Variants in CPM observed in about 807,000 individuals in gnomAD.
The protein encoded by CPM is carboxypeptidase M.
Under a neutral mutation model 46.4 loss-of-function variants are expected in CPM, and 35 were observed. The observed-to-expected ratio is 0.75, with a 90% CI of 0.58 to 1.00. The LOEUF (loss-of-function observed/expected upper bound fraction) is 1.00, where lower values mean the gene tolerates loss of function less well. Among genes scored for constraint, CPM ranks in the 50% least tolerant of loss-of-function variants. The probability of loss-of-function intolerance (pLI) is 0.00; values close to 1 mark genes in which losing one functional copy is unlikely to be tolerated. For missense variants in CPM, 422 were observed against 530.4 expected, an observed-to-expected ratio of 0.80 and a Z score of 2.01; for synonymous variants, 195 against 195.3, an observed-to-expected ratio of 1.00 and a Z score of 0.01.
At chr12:68,861,540 G>GT (rs112044881) in intron 7 of CPM, among the ~76,000 whole-genome samples, 30,224 of 145,752 alleles carry the variant, frequency 0.21, 3,359 homozygotes, top group African/African-American at 0.31. Flanking sequence ...ACAATTTTTT[G>GT]TTTTTTTTTT....
At chr12:68,870,512 G>T in intron 4 of CPM, 113 bp from the exon 5 acceptor site, 2 of 900,230 alleles carry the variant, frequency 2.2e-6, no homozygotes, top group Non-Finnish European at 3.3e-6. Flanking sequence ...GTGAGTATGG[G>T]TGTGGTGGAT....
At chr12:68,891,484 A>G (rs1886651386) in intron 2 of CPM, among the ~76,000 whole-genome samples, 1 of 152,216 alleles carries the variant, frequency 6.6e-6, no homozygotes, top group Non-Finnish European at 1.5e-5. Context: ...AGCTCAAAGC[A>G]TTTTACGTAT....
chr12:68,927,558 C>A (rs1018524976), intron 2 of CPM, among the ~76,000 whole-genome samples: 2 of 151,926 alleles, frequency 1.3e-5, no homozygotes, highest in African/African-American at 2.4e-5. Context: ...TGCAGAAGCT[C>A]TTTAGTTTAA....
chr12:68,952,221 GT>G (rs1403209215), intron 1 of CPM, among the ~76,000 whole-genome samples: 4 of 152,222 alleles, frequency 2.6e-5, no homozygotes, highest in African/African-American at 9.6e-5. Flanking sequence ...ATGCAAATAT[GT>G]TTTGGGTTTT....
At chr12:68,868,081 G>A (rs915649258) in intron 6 of CPM, among the ~76,000 whole-genome samples, 2 of 152,154 alleles carry the variant, frequency 1.3e-5, no homozygotes, top group Admixed American at 1.3e-4. Context: ...AGCAGCAACC[G>A]TTTCTAGCTA....
At chr12:68,859,281 C>T (rs117881470) in intron 7 of CPM, among the ~76,000 whole-genome samples, 207 of 152,134 alleles carry the variant, frequency 1.4e-3, no homozygotes, top group East Asian at 2.7e-3. Flanking sequence ...TAAATTTGTT[C>T]GTTGTTGAAT....
chr12:68,960,387 G>A (rs1483269363), intron 1 of CPM, among the ~76,000 whole-genome samples: 1 of 152,136 alleles, frequency 6.6e-6, no homozygotes. Context: ...CGTCTTTGTG[G>A]GGATTTCTCT....
intron 2 of CPM, among the ~76,000 whole-genome samples, chr12:68,907,391 C>A (rs1168586367): frequency 2.0e-5 from 3 of 152,166 alleles, no homozygotes; most frequent in African/African-American, 7.2e-5. Flanking sequence ...TTATTTAACT[C>A]TCTGGAGCCT....
intron 2 of CPM, among the ~76,000 whole-genome samples, chr12:68,905,770 T>A (rs1487838605): frequency 6.6e-6 from 1 of 152,052 alleles, no homozygotes; most frequent in Non-Finnish European, 1.5e-5. Flanking sequence ...AGAAAAAATA[T>A]TTAATAGGGA....
rs1235530772 is a variant in CPM, at chr12:68,856,682, G to C, written c.1090-3C>G. 11 of 1,612,552 alleles carry C rather than the reference G, an allele frequency of 6.8e-6. No homozygotes were observed. Among genetic ancestry groups the C allele is most frequent in the Non-Finnish European group, 9.3e-6 (11 of 1,179,048 alleles). On this transcript the variant is annotated splice_polypyrimidine_tract_variant and splice_region_variant and intron_variant, in intron 8 of 8. Transcript: ENST00000551568. ...GGATCATGTCCAGGGACTGTAACCT[G>C]AGAAGAAACAAGAGACAATTATATG...
At chr12:68,927,843 C>T (rs1443646779) in intron 2 of CPM, among the ~76,000 whole-genome samples, 6 of 152,130 alleles carry the variant, frequency 3.9e-5, no homozygotes, top group Non-Finnish European at 7.3e-5. Flanking sequence ...AGGAGAACTA[C>T]AAACCACTGC....
downstream of CPM, among the ~76,000 whole-genome samples, chr12:68,850,874 A>AT (rs1183758588): frequency 3.3e-5 from 5 of 151,982 alleles, no homozygotes; most frequent in Non-Finnish European, 7.4e-5. Flanking sequence ...ATTTTCAAAT[A>AT]TTTTTTCTGA....
At chr12:68,931,703 G>A (rs538910953) in intron 2 of CPM, among the ~76,000 whole-genome samples, 43 of 130,034 alleles carry the variant, frequency 3.3e-4, no homozygotes, top group South Asian at 1.2e-3. Flanking sequence ...CCGAGATCAC[G>A]CCACTGCACT....
At chr12:68,944,349 A>G (rs1289328716) in intron 1 of CPM, among the ~76,000 whole-genome samples, 1 of 152,192 alleles carries the variant, frequency 6.6e-6, no homozygotes, top group Non-Finnish European at 1.5e-5. Context: ...TGCCATTTTG[A>G]TGCCTATTAC....
intron 2 of CPM, chr12:68,913,903 G>C: frequency 1.4e-6 from 1 of 706,640 alleles, no homozygotes; most frequent in Non-Finnish European, 2.7e-6. Context: ...TATGCAACAA[G>C]ATATCAAAAG....
chr12:68,853,769 AAAG>A lies in CPM; in HGVS notation c.*2665_*2667del, dbSNP rs1173029901. On this transcript the variant is annotated 3_prime_UTR_variant, in exon 9 of 9. Transcript: ENST00000551568. ...GGAGGGAAGGGGAGGGGAGCGGAGG[AAAG>A]AAGAAAAGGAAGGGAAGGGGAGGGA... The A allele has an allele frequency of 1.3e-5, 2 of 151,624 alleles. No homozygotes were observed. Among genetic ancestry groups the A allele is most frequent in the Admixed American group, 1.3e-4 (2 of 15,162 alleles). The allele number at this position is 151,624 out of a possible 1,614,324, so 9.4% of individuals were successfully genotyped here. A position where few individuals can be genotyped will look rare whatever the true frequency, so the allele number is the denominator to read the frequency against.
chr12:68,872,230 A>ATGCTGC (rs372578780), intron 3 of CPM, among the ~76,000 whole-genome samples: 15,699 of 147,310 alleles, frequency 0.11, 1,853 homozygotes, highest in African/African-American at 0.28. Context: ...GAGTGGAATA[A>ATGCTGC]TGCTGCTGCT....
intron 3 of CPM, among the ~76,000 whole-genome samples, chr12:68,884,110 GAAA>G (rs35514888): frequency 3.3e-4 from 21 of 63,870 alleles, no homozygotes; most frequent in African/African-American, 1.1e-3. Context: ...AATTCCATCG[GAAA>G]AAAAAAAAAA....
chr12:68,869,583 T>TCA (rs1885599704), intron 5 of CPM, 88 bp from the exon 6 acceptor site: 1 of 1,177,264 alleles, frequency 8.5e-7, no homozygotes, highest in Non-Finnish European at 1.2e-6. Context: ...CATAATCGCA[T>TCA]CACACACACA....
Sources: allele counts gnomAD v4.1 joint callset (sites outside exome capture counted in the v4.1 genomes callset), GRCh38; gene constraint gnomAD v4.1.1; transcripts MANE v1.5; gene names NCBI Gene and HGNC (gene_info 2026-07-23, HGNC 2026-07-21).